The following HECTD4 variants were observed in gnomAD, a reference collection of about 807,000 sequenced individuals.
HECTD4 encodes probable E3 ubiquitin-protein ligase HECTD4.
HECTD4 carries 114 observed loss-of-function variants against 471.5 expected under a neutral mutation model. The observed-to-expected ratio is 0.24, with a 90% confidence interval of 0.21 to 0.28. The LOEUF is 0.28. HECTD4 is among the 10% of genes least tolerant of loss of function. The pLI, the probability that HECTD4 is intolerant of heterozygous loss-of-function variation, is 1.00. For missense variants in HECTD4, 3,866 were observed against 5,651.5 expected (o/e 0.68, Z 10.13); for synonymous variants, 2,012 against 2,256.0 (o/e 0.89, Z 3.07).
intron 67 of HECTD4, 119 bp downstream of exon 67, chr12:112,172,552 G>T: frequency 1.1e-6 from 1 of 931,990 alleles, no homozygotes. Flanking sequence ...CGCATAGCAG[G>T]TGTTCATAAG....
Position 112,231,589 on chromosome 12 carries a change from T to C in HECTD4, c.6124A>G (p.Ser2042Gly). The C allele has an allele frequency of 6.2e-7, 1 of 1,613,998 alleles. No homozygotes were observed. Among genetic ancestry groups the C allele is most frequent in the African/African-American group, 1.3e-5 (1 of 75,058 alleles). Reference protein sequence around the residue: ...PVESINPETVSGLSTGDKKKT... With the variant: ...PVESINPETVGGLSTGDKKKT... Reference sequence around the variant, plus strand: ...TTTTTGTCGCCTGTGGATAGTCCACTCACAGTCTCTGGGTTGATAGACTCT... The same window carrying C: ...TTTTTGTCGCCTGTGGATAGTCCACCCACAGTCTCTGGGTTGATAGACTCT... Residue 2042 changes from serine to glycine, a missense_variant, in exon 39 of 76, where the codon AGT becomes GGT. Coordinates refer to ENST00000682272, the MANE Select transcript of HECTD4 (RefSeq NM_001388303.1).
Position 112,243,920 on chromosome 12 carries a change from C to G in HECTD4, c.4603G>C (p.Glu1535Gln), listed in dbSNP as rs760928255. The G allele has an allele frequency of 6.2e-7, 1 of 1,614,028 alleles. No individual in the cohort carries two copies. The highest frequency in any genetic ancestry group is 8.5e-7 in the Non-Finnish European group (1 of 1,179,890). ...TCCAAATCTTCATTACCAATCATTT[C>G]CAGGTCAGAAGGAGCTGACATGCTG... ...LRSMSAPSDL[E>Q]MIGNEDLEFT... The change falls in exon 30 of 76, where the codon GAA (glutamate) becomes CAA (glutamine). Residue 1535 changes from glutamate (E) to glutamine (Q), a missense_variant. Coordinates refer to ENST00000682272, the MANE Select transcript of HECTD4 (RefSeq NM_001388303.1). This position sits in a 1 kb window ranked among gnomAD's most constrained non-coding sequence, Gnocchi z 6.6.
intron 1 of HECTD4, among the ~76,000 whole-genome samples, chr12:112,328,835 G>T (rs2035795948): frequency 6.6e-6 from 1 of 152,166 alleles, no homozygotes; most frequent in Admixed American, 6.5e-5. Flanking sequence ...TTTAATTCAT[G>T]AGTTTTAGCC....
At chr12:112,312,030 C>A (rs552337767) in intron 4 of HECTD4, among the ~76,000 whole-genome samples, 64 of 152,226 alleles carry the variant, frequency 4.2e-4, no homozygotes, top group South Asian at 1.7e-3. Flanking sequence ...CTGAGAGATG[C>A]GAGGGGGCCT....
intron 44 of HECTD4, among the ~76,000 whole-genome samples, chr12:112,225,237 A>T (rs1167549972): frequency 6.6e-6 from 1 of 151,988 alleles, no homozygotes; most frequent in Non-Finnish European, 1.5e-5. Flanking sequence ...AATGTGAAAG[A>T]GTAACAAAAA....
At chr12:112,212,773 G>A in intron 48 of HECTD4, 123 bp from the exon 49 acceptor site, 2 of 666,234 alleles carry the variant, frequency 3.0e-6, no homozygotes, top group East Asian at 3.1e-5. Context: ...CTTCTGAAAT[G>A]GACATGAAGT....
rs779644404 is a variant in HECTD4 at position 112,164,231 on chromosome 12, G to C, written c.12579C>G (p.Ala4193=). ...TELEALCAEI[A]SQHLATESPD... is the part of the protein sequence containing the mutation. The stretch of plus-strand genomic sequence containing the variant: ...GGCTCTCCGTGGCCAGGTGCTGGGA[G>C]GCGATCTCAGCGCACAGGGCCTCCA... Residue 4193 remains alanine (A), a synonymous_variant, in exon 73 of 76, where the codon GCC becomes GCG. Coordinates refer to ENST00000682272, the MANE Select transcript of HECTD4 (RefSeq NM_001388303.1). 6.2e-7 allele frequency: 1 copy of C among 1,613,680 alleles called. No individual in the cohort carries two copies. The highest frequency in any genetic ancestry group is 1.3e-5 in the African/African-American group (1 of 74,930).
At chr12:112,260,743 ATTTT>A (rs200690215) in intron 18 of HECTD4, among the ~76,000 whole-genome samples, 1 of 138,714 alleles carries the variant, frequency 7.2e-6, no homozygotes, top group Admixed American at 7.2e-5. Flanking sequence ...TGCCTGGCTA[ATTTT>A]TTTTTTTTTT....
rs150611212 is a variant in HECTD4 at position 112,214,429 on chromosome 12, C to T, written c.7466-1779G>A. The stretch of plus-strand genomic sequence containing the variant: ...GCTGGGGACTTGTCATTGTTCGCCA[C>T]GGCATCCCCAGGGGCCAGAAGAGGG... On this transcript the variant is annotated intron_variant, in intron 48 of 75. Coordinates refer to ENST00000682272, the MANE Select transcript of HECTD4 (RefSeq NM_001388303.1). Among the ~76,000 whole-genome samples, 323 of 152,268 alleles carry T rather than the reference C, an allele frequency of 2.1e-3. 3 individuals carry two copies. Among genetic ancestry groups the T allele is most frequent in the South Asian group, 0.014 (70 of 4,828 alleles).
intron 9 of HECTD4, among the ~76,000 whole-genome samples, chr12:112,275,227 G>A (rs562076006): frequency 9.3e-4 from 142 of 152,208 alleles, no homozygotes; most frequent in African/African-American, 3.3e-3. Flanking sequence ...GGTTCTTTCC[G>A]ATATACATTA....
At chr12:112,247,874 T>C (rs1436470977) in intron 27 of HECTD4, among the ~76,000 whole-genome samples, 193 bp downstream of exon 27, 1 of 152,154 alleles carries the variant, frequency 6.6e-6, no homozygotes, top group East Asian at 1.9e-4. Context: ...GAGTAATTAT[T>C]TGTATACTGC....
rs1157735252 is a variant in HECTD4, at chr12:112,185,123, G to C, written c.9843C>G (p.Thr3281=). The C allele has an allele frequency of 1.3e-6, 2 of 1,558,338 alleles. No homozygotes were observed. The highest frequency in any genetic ancestry group is 3.9e-5 in the Admixed American group (2 of 51,462). ...TNMSVTASGV[T]SATAPNLSDS... is the part of the protein sequence containing the mutation. Reference sequence around the variant, plus strand: ...CACTGAGATTTGGGGCGGTCGCTGAGGTCACCCCACTGGCTGTGACACTCA... The same window carrying C: ...CACTGAGATTTGGGGCGGTCGCTGACGTCACCCCACTGGCTGTGACACTCA... Residue 3281 remains threonine, a synonymous_variant, in exon 61 of 76, where the codon ACC becomes ACG. Coordinates refer to ENST00000682272, the MANE Select transcript of HECTD4 (RefSeq NM_001388303.1).
At chr12:112,302,269 AG>A (rs2035180699) in intron 7 of HECTD4, 9 of 989,666 alleles carry the variant, frequency 9.1e-6, no homozygotes, top group Non-Finnish European at 1.3e-5. Flanking sequence ...CTCGAAGGGC[AG>A]GTGGTCTCTT....
rs2285806 is a variant in HECTD4, at chr12:112,309,301, T to C, written c.1025+260A>G. 0.056 allele frequency among the ~76,000 whole-genome samples: 8,493 copies of C among 152,264 alleles called. 1,299 individuals carry two copies. The East Asian group carries it at 0.61, about 11-fold the overall frequency. ...GATATTGTTACAAAAATACTGATCA[T>C]GGAGGACTTTCTGGCTGGAAACAAT... On this transcript the variant is annotated intron_variant, in intron 5 of 75. Coordinates refer to ENST00000682272, the MANE Select transcript of HECTD4 (RefSeq NM_001388303.1).
chr12:112,219,641 C>G, intron 44 of HECTD4, 152 bp from the exon 45 acceptor site: 1 of 530,820 alleles, frequency 1.9e-6, no homozygotes, highest in Admixed American at 3.4e-5. Flanking sequence ...GTTCTATTGC[C>G]CAGGCTGGAG....
chr12:112,373,224 C>T (rs1316496611), intron 1 of HECTD4, among the ~76,000 whole-genome samples: 3 of 152,130 alleles, frequency 2.0e-5, no homozygotes, highest in Admixed American at 2.0e-4. Context: ...TTTGTCTGTG[C>T]CAGTTTCCTC....
intron 67 of HECTD4, chr12:112,171,482 G>T (rs1335171501): frequency 1.5e-6 from 1 of 650,934 alleles, no homozygotes; most frequent in Admixed American, 3.1e-5. Flanking sequence ...TGGAGGTGCT[G>T]GCTCTTAAGG....
chr12:112,171,381 A>G, intron 67 of HECTD4, 118 bp from the exon 68 acceptor site: 1 of 1,478,074 alleles, frequency 6.8e-7, no homozygotes, highest in Non-Finnish European at 9.0e-7. Flanking sequence ...TTTACCTGGG[A>G]CCCTGGAGAT....
chr12:112,285,451 C>G (rs1286445311), intron 7 of HECTD4, among the ~76,000 whole-genome samples: 3 of 151,960 alleles, frequency 2.0e-5, no homozygotes, highest in African/African-American at 7.3e-5. Flanking sequence ...AGCACCCCAA[C>G]CCAGAGCACA....
Sources: allele counts gnomAD v4.1 joint callset (sites outside exome capture counted in the v4.1 genomes callset), GRCh38; gene constraint gnomAD v4.1.1; non-coding constraint Gnocchi (gnomAD v3.1); transcripts MANE v1.5; gene names NCBI Gene and HGNC (gene_info 2026-07-23, HGNC 2026-07-21).